The following RARB variants were observed in gnomAD, a reference collection of about 807,000 sequenced individuals.
RARB encodes HBV-activated protein.
RARB carries 17 observed loss-of-function variants against 51.9 expected under a neutral mutation model. The ratio of observed to expected loss-of-function variants is 0.33; its 90% CI spans 0.22 to 0.49. RARB has a LOEUF of 0.49. Ranked by LOEUF, RARB falls within the 20% of genes least tolerant of loss-of-function variation. The probability of loss-of-function intolerance (pLI) is 0.99; values close to 1 mark genes in which losing one functional copy is unlikely to be tolerated. For missense variants in RARB, 369 were observed against 550.8 expected, an observed-to-expected ratio of 0.67 and a Z score of 3.30; for synonymous variants, 215 against 195.4, an observed-to-expected ratio of 1.10 and a Z score of -0.84.
At chr3:25,231,138 G>A (rs528568600) in intron 5 of RARB, among the ~76,000 whole-genome samples, 1 of 152,042 alleles carries the variant, frequency 6.6e-6, no homozygotes, top group African/African-American at 2.4e-5. Flanking sequence ...AAGAAGCCAA[G>A]AGCAAATTTA....
intron 4 of RARB, among the ~76,000 whole-genome samples, chr3:25,572,473 T>C (rs927808196): frequency 1.3e-5 from 2 of 152,160 alleles, no homozygotes; most frequent in African/African-American, 4.8e-5. Context: ...TCGATAACTT[T>C]CCCCTTGTCT....
At chr3:25,587,852 G>C (rs180946156) in intron 5 of RARB, among the ~76,000 whole-genome samples, 124 of 152,352 alleles carry the variant, frequency 8.1e-4, no homozygotes, top group African/African-American at 2.9e-3. Flanking sequence ...GAGTGACCAA[G>C]ATGGTTGAGC....
chr3:25,382,376 G>A (rs1321570188), intron 5 of RARB, among the ~76,000 whole-genome samples: 1 of 149,444 alleles, frequency 6.7e-6, no homozygotes, highest in African/African-American at 2.5e-5. Flanking sequence ...GCAAATCACT[G>A]TGTGCTCCTT....
intron 2 of RARB, among the ~76,000 whole-genome samples, chr3:24,912,456 A>G (rs149656173): frequency 5.1e-4 from 78 of 152,320 alleles, no homozygotes; most frequent in African/African-American, 1.9e-3. Flanking sequence ...GGTGTCCTCA[A>G]ATATGTGAGT....
chr3:24,970,118 G>A (rs1034285156), intron 2 of RARB, among the ~76,000 whole-genome samples: 1 of 152,062 alleles, frequency 6.6e-6, no homozygotes, highest in Non-Finnish European at 1.5e-5. Context: ...AGTAGCCACA[G>A]ACAACAGATA....
At chr3:25,362,691 C>T (rs894248533) in intron 5 of RARB, among the ~76,000 whole-genome samples, 2 of 152,200 alleles carry the variant, frequency 1.3e-5, no homozygotes, top group Non-Finnish European at 2.9e-5. Context: ...TTACTCAAGG[C>T]ACAGACCCTC....
chr3:25,469,307 C>T (rs1477455860), intron 2 of RARB, among the ~76,000 whole-genome samples: 1 of 152,162 alleles, frequency 6.6e-6, no homozygotes, highest in African/African-American at 2.4e-5. Context: ...TTGACCAAGG[C>T]CATTTAAAAC....
At chr3:25,396,023 T>A (rs578079868) in intron 5 of RARB, among the ~76,000 whole-genome samples, 1 of 152,334 alleles carries the variant, frequency 6.6e-6, no homozygotes, top group African/African-American at 2.4e-5. Flanking sequence ...CAAGGGCTGC[T>A]ATTCAGATTA....
intron 1 of RARB, among the ~76,000 whole-genome samples, chr3:24,855,741 T>A (rs577855021): frequency 2.2e-5 from 3 of 134,230 alleles, no homozygotes; most frequent in African/African-American, 8.8e-5. Context: ...ACTGGAAATC[T>A]GCATTTTTTT....
chr3:25,204,497 C>T (rs543586839), intron 5 of RARB, among the ~76,000 whole-genome samples: 1 of 152,184 alleles, frequency 6.6e-6, no homozygotes, highest in African/African-American at 2.4e-5. Flanking sequence ...GGAGGAGAGG[C>T]ACTCTGATTT....
At chr3:25,121,936 A>G (rs1368892854) in intron 3 of RARB, among the ~76,000 whole-genome samples, 1 of 152,136 alleles carries the variant, frequency 6.6e-6, no homozygotes, top group Admixed American at 6.6e-5. Flanking sequence ...TCTTCCTTGT[A>G]TATCTTAGTT....
At chr3:25,062,380 C>T (rs1022900530) in intron 3 of RARB, among the ~76,000 whole-genome samples, 2 of 151,792 alleles carry the variant, frequency 1.3e-5, no homozygotes, top group African/African-American at 2.4e-5. Flanking sequence ...TAGATGGGAA[C>T]GTAGCATGAA....
At chr3:25,190,408 T>C (rs1181889443) in intron 5 of RARB, among the ~76,000 whole-genome samples, 2 of 152,088 alleles carry the variant, frequency 1.3e-5, no homozygotes, top group African/African-American at 4.8e-5. Flanking sequence ...TGCATATATA[T>C]GTGTGTATAT....
intron 5 of RARB, among the ~76,000 whole-genome samples, chr3:25,214,557 A>G (rs1701774175): frequency 2.0e-5 from 3 of 152,234 alleles, no homozygotes; most frequent in Admixed American, 2.0e-4. Flanking sequence ...TTCACATCGA[A>G]TAAATGGGAC....
intron 3 of RARB, among the ~76,000 whole-genome samples, chr3:25,070,118 G>A (rs1177183642): frequency 6.6e-6 from 1 of 152,136 alleles, no homozygotes; most frequent in African/African-American, 2.4e-5. Flanking sequence ...GGGTTCCTTG[G>A]CTTTGCAACT....
chr3:25,283,149 A>G (rs948077973), intron 5 of RARB, among the ~76,000 whole-genome samples: 1 of 152,154 alleles, frequency 6.6e-6, no homozygotes, highest in Non-Finnish European at 1.5e-5. Flanking sequence ...TTTACTCCAG[A>G]TCATTCCTTT....
At chr3:25,391,290 A>G (rs537783453) in intron 5 of RARB, among the ~76,000 whole-genome samples, 2 of 151,878 alleles carry the variant, frequency 1.3e-5, no homozygotes, top group African/African-American at 4.8e-5. Flanking sequence ...TTATCTACTC[A>G]TTGTCTTATG....
Position 24,893,684 on chromosome 3 carries a change from A to AT in RARB, c.-380+34947dup, listed in dbSNP as rs35567273. The stretch of plus-strand genomic sequence containing the variant: ...AGATGTGCAACAGCATGCCTCACTG[A>AT]TTTTTTTTTTTTTTTAATTTTGTAG... On this transcript the variant is annotated intron_variant, in intron 2 of 11. Coordinates refer to the RARB transcript ENST00000383772. 8.8e-3 allele frequency among the ~76,000 whole-genome samples: 1,279 copies of AT among 144,850 alleles called. 3 individuals are homozygous for AT. Among genetic ancestry groups the AT allele is most frequent in the Non-Finnish European group, 0.012 (780 of 65,532 alleles).
At chr3:25,371,285 C>T (rs1489122833) in intron 5 of RARB, among the ~76,000 whole-genome samples, 2 of 152,068 alleles carry the variant, frequency 1.3e-5, no homozygotes, top group Non-Finnish European at 2.9e-5. Context: ...CAAGCTAGGT[C>T]ACCTTCACAG....
Sources: gnomAD v4.1 joint callset for allele counts (sites outside exome capture counted in the v4.1 genomes callset) on GRCh38, gnomAD v4.1.1 for gene constraint, MANE v1.5 for transcripts, NCBI Gene and HGNC (gene_info 2026-07-23, HGNC 2026-07-21) for gene names.